Variants in FBLN7 observed in about 807,000 individuals in gnomAD.
FBLN7 encodes the protein fibulin-7.
A neutral mutation model predicts 44.0 loss-of-function variants in FBLN7; 31 were observed. The observed-to-expected ratio is 0.70, with a 90% CI of 0.53 to 0.95. The LOEUF (loss-of-function observed/expected upper bound fraction) is 0.95, where lower values mean the gene tolerates loss of function less well. Among genes scored for constraint, FBLN7 ranks in the 40% least tolerant of loss-of-function variants. FBLN7 has a pLI of 0.00. For missense variants in FBLN7, 573 were observed against 618.5 expected (o/e 0.93, Z 0.78); for synonymous variants, 262 against 253.4 (o/e 1.03, Z -0.32).
At position 112,163,606 on chromosome 2, in the gene FBLN7, G is replaced by A. The variant is rs550728742; in HGVS notation, c.236-1395G>A. ...CAGTCCTTCGGGAAATCTTCACAGA[G>A]CAGCCAGGATTCGAACCATGTCCCT... On this transcript the variant is annotated intron_variant, in intron 2 of 7. Coordinates refer to ENST00000331203, the MANE Select transcript of FBLN7 (RefSeq NM_153214.3). Among the ~76,000 whole-genome samples the A allele has an allele frequency of 2.6e-5, 4 of 152,284 alleles. No individual in the cohort carries two copies. In the South Asian group the frequency reaches 8.3e-4, roughly 32 times the overall value.
At chr2:112,140,624 A>G (rs912132048) in intron 1 of FBLN7, among the ~76,000 whole-genome samples, 1 of 152,190 alleles carries the variant, frequency 6.6e-6, no homozygotes, top group African/African-American at 2.4e-5. Context: ...TCAGGGAGCT[A>G]TGAGACATTG....
At chr2:112,236,531 C>T in the FBLN7 span, 6 of 1,606,462 alleles carry the variant, frequency 3.7e-6, no homozygotes, top group Non-Finnish European at 5.1e-6. Context: ...ATGCAGGGGT[C>T]AGGTATTCCT....
the FBLN7 span, among the ~76,000 whole-genome samples, chr2:112,200,623 C>T: frequency 3.9e-5 from 6 of 152,182 alleles, no homozygotes; most frequent in East Asian, 5.8e-4. Context: ...CCACCTCTGC[C>T]TCCCAGATTC....
chr2:112,185,632 A>G (rs189237551), intron 7 of FBLN7, among the ~76,000 whole-genome samples: 1 of 152,328 alleles, frequency 6.6e-6, no homozygotes, highest in East Asian at 1.9e-4. Context: ...AAGCCAGGGC[A>G]GGCACTGAAG....
chr2:112,189,842 A>T (rs1448572139), downstream of FBLN7: 1 of 152,232 alleles, frequency 6.6e-6, no homozygotes, highest in Non-Finnish European at 1.5e-5. Context: ...CAACTTTTAA[A>T]AAAAGGATAA....
intron 3 of FBLN7, among the ~76,000 whole-genome samples, chr2:112,174,424 G>GTAA (rs1682634881): frequency 6.6e-6 from 1 of 152,206 alleles, no homozygotes. Context: ...TCTCCAGGAG[G>GTAA]CTTAAGGGAA....
At chr2:112,155,482 C>T (rs1681365552) in intron 1 of FBLN7, among the ~76,000 whole-genome samples, 1 of 152,236 alleles carries the variant, frequency 6.6e-6, no homozygotes, top group Non-Finnish European at 1.5e-5. Flanking sequence ...CTTCCTTGTA[C>T]CACGCTCTGT....
At chr2:112,231,086 C>A in the FBLN7 span, 1 of 521,746 alleles carries the variant, frequency 1.9e-6, no homozygotes. Flanking sequence ...ACTACTACTA[C>A]AGGAACTGAA....
At chr2:112,179,125 C>T (rs1416470300) in intron 4 of FBLN7, among the ~76,000 whole-genome samples, 1 of 152,182 alleles carries the variant, frequency 6.6e-6, no homozygotes. Flanking sequence ...AACTGATAAA[C>T]AACTTCAGCA....
At chr2:112,144,778 G>A (rs943326759) in intron 1 of FBLN7, among the ~76,000 whole-genome samples, 1 of 152,142 alleles carries the variant, frequency 6.6e-6, no homozygotes, top group African/African-American at 2.4e-5. Flanking sequence ...ACCCGCCTCG[G>A]CCTCCCAAAG....
chr2:112,206,733 G>GTTTTTTTTTTTTTTTTTTTTT, the FBLN7 span, among the ~76,000 whole-genome samples: 6 of 123,036 alleles, frequency 4.9e-5, no homozygotes, highest in African/African-American at 1.8e-4. Context: ...CTTATTGACT[G>GTTTTTTTTTTTTTTTTTTTTT]TTTTTTTTTT....
chr2:112,161,020 T>C (rs1681843975), intron 2 of FBLN7, among the ~76,000 whole-genome samples: 1 of 152,152 alleles, frequency 6.6e-6, no homozygotes, highest in East Asian at 1.9e-4. Flanking sequence ...ACTTGTCTGA[T>C]GAGGCTACAG....
Position 112,165,104 on chromosome 2 carries a change from G to A in FBLN7, c.339G>A (p.Leu113=), listed in dbSNP as rs759132549. The change falls in exon 3 of 8, where the codon CTG becomes CTA. Residue 113 remains leucine, a synonymous_variant. Coordinates refer to ENST00000331203, the MANE Select transcript of FBLN7 (RefSeq NM_153214.3). ...TTACCTGCAACCCTGGGTTCCGGCT[G>A]GTCGGGCCCAGCAGCGTGGTGTGTC... The part of the protein sequence containing the change: ...VHFTCNPGFR[L]VGPSSVVCLP... 3.1e-6 allele frequency: 5 copies of A among 1,614,212 alleles called. No individual in the cohort carries two copies. In the South Asian group the frequency reaches 3.3e-5, roughly 11 times the overall value.
chr2:112,234,162 T>C, the FBLN7 span: 5 of 1,607,022 alleles, frequency 3.1e-6, no homozygotes, highest in Non-Finnish European at 4.2e-6. Flanking sequence ...AAATTTGTTT[T>C]CCCTTGCGTT....
the FBLN7 span, chr2:112,231,695 T>G: frequency 1.5e-5 from 6 of 413,420 alleles, no homozygotes; most frequent in African/African-American, 1.2e-4. Context: ...ATATTTAAAC[T>G]GAATTCTTAA....
At chr2:112,181,337 TAATAA>T (rs538581312) in intron 4 of FBLN7, among the ~76,000 whole-genome samples, 401 of 152,062 alleles carry the variant, frequency 2.6e-3, no homozygotes, top group Middle Eastern at 6.8e-3. Flanking sequence ...AAATTAAAAA[TAATAA>T]AATAAAGAAT....
At chr2:112,145,971 T>A (rs1680881093) in intron 1 of FBLN7, among the ~76,000 whole-genome samples, 1 of 152,268 alleles carries the variant, frequency 6.6e-6, no homozygotes, top group Non-Finnish European at 1.5e-5. Flanking sequence ...CCTTTGGCTA[T>A]TCTAGTTTCT....
chr2:112,193,769 A>G, the FBLN7 span, among the ~76,000 whole-genome samples: 3 of 152,038 alleles, frequency 2.0e-5, no homozygotes, highest in Non-Finnish European at 2.9e-5. Flanking sequence ...ATCTCTCCTG[A>G]GTGTTTGAAT....
intron 7 of FBLN7, among the ~76,000 whole-genome samples, chr2:112,186,155 G>C (rs568919498): frequency 6.6e-6 from 1 of 152,254 alleles, no homozygotes; most frequent in Admixed American, 6.5e-5. Context: ...GATAGGGAAC[G>C]GGTCTATGAC....
Sources: allele counts gnomAD v4.1 joint callset (sites outside exome capture counted in the v4.1 genomes callset), GRCh38; gene constraint gnomAD v4.1.1; transcripts MANE v1.5; gene names NCBI Gene and HGNC (gene_info 2026-07-23, HGNC 2026-07-21).